Variants in KIAA1328 observed in about 807,000 individuals in gnomAD.
The protein encoded by KIAA1328 is protein hinderin.
KIAA1328 carries 52 observed loss-of-function variants against 68.1 expected under a neutral mutation model. That is an observed-to-expected ratio of 0.76 (90% CI 0.61 to 0.96). KIAA1328 has a LOEUF of 0.96. Among genes scored for constraint, KIAA1328 ranks in the 40% least tolerant of loss-of-function variants. The pLI is 0.00. For missense variants in KIAA1328, 641 were observed against 677.6 expected, an observed-to-expected ratio of 0.95 and a Z score of 0.60; for synonymous variants, 232 against 239.4, an observed-to-expected ratio of 0.97 and a Z score of 0.28.
At chr18:36,966,883 G>T (rs961519874) in intron 6 of KIAA1328, among the ~76,000 whole-genome samples, 1 of 152,162 alleles carries the variant, frequency 6.6e-6, no homozygotes, top group Non-Finnish European at 1.5e-5. Context: ...AGCAGATTTT[G>T]ATAATTCCTT....
chr18:36,962,744 GA>G (rs748551765), intron 6 of KIAA1328, among the ~76,000 whole-genome samples: 1 of 152,186 alleles, frequency 6.6e-6, no homozygotes, highest in Non-Finnish European at 1.5e-5. Context: ...AATGAAGGCA[GA>G]AATAAAGATC....
intron 7 of KIAA1328, among the ~76,000 whole-genome samples, chr18:37,078,276 A>G (rs1599181496): frequency 6.6e-6 from 1 of 152,218 alleles, no homozygotes; most frequent in Non-Finnish European, 1.5e-5. Flanking sequence ...GGCTAGCCAT[A>G]TGTAGAAAGC....
At chr18:37,023,949 A>G (rs568392817) in intron 6 of KIAA1328, among the ~76,000 whole-genome samples, 7 of 151,962 alleles carry the variant, frequency 4.6e-5, no homozygotes, top group Non-Finnish European at 8.8e-5. Context: ...TTCAATCTTC[A>G]CTCTCCTCCA....
intron 5 of KIAA1328, among the ~76,000 whole-genome samples, chr18:36,889,330 CAT>C (rs1568127287): frequency 6.6e-6 from 1 of 152,132 alleles, no homozygotes; most frequent in East Asian, 1.9e-4. Context: ...AATTCTGAAA[CAT>C]GTTGGCATGT....
chr18:36,973,812 T>TAC (rs761416952), intron 6 of KIAA1328, among the ~76,000 whole-genome samples: 17,842 of 103,554 alleles, frequency 0.17, 1,338 homozygotes, highest in East Asian at 0.26. Flanking sequence ...TGTACGCACA[T>TAC]ACACACACAC....
At chr18:36,989,039 C>T (rs552153217) in intron 6 of KIAA1328, among the ~76,000 whole-genome samples, 1 of 152,208 alleles carries the variant, frequency 6.6e-6, no homozygotes, top group East Asian at 1.9e-4. Context: ...ATTGATTTTA[C>T]CTAGATTGTG....
At chr18:37,191,679 T>C (rs536673398) in intron 9 of KIAA1328, among the ~76,000 whole-genome samples, 1 of 152,106 alleles carries the variant, frequency 6.6e-6, no homozygotes, top group African/African-American at 2.4e-5. Flanking sequence ...AGGCTGCATG[T>C]TCCCCCATCT....
chr18:37,131,120 G>T (rs2058512018), intron 7 of KIAA1328, among the ~76,000 whole-genome samples: 1 of 152,150 alleles, frequency 6.6e-6, no homozygotes, highest in South Asian at 2.1e-4. Context: ...TAATGTTTGG[G>T]AACAACTAGA....
chr18:37,064,981 G>A (rs1249354437), intron 6 of KIAA1328, among the ~76,000 whole-genome samples: 1 of 152,204 alleles, frequency 6.6e-6, no homozygotes, highest in African/African-American at 2.4e-5. Flanking sequence ...CAAAGTTTGT[G>A]CTAAGTTGTT....
rs182969416 is a variant in KIAA1328 at position 37,158,932 on chromosome 18, T to A, written c.1233-1268T>A. ...GGGTTGACGTAAATTTATATAACAT[T>A]CACAATAAGGTACTTTTATTTTCCG... is the stretch of plus-strand genomic sequence containing the variant. On this transcript the variant is annotated intron_variant, in intron 7 of 9. Transcript: ENST00000280020. Among the ~76,000 whole-genome samples the A allele has an allele frequency of 5.1e-4, 77 of 152,186 alleles. No homozygotes were observed. In the Middle Eastern group the frequency reaches 0.02, roughly 40 times the overall value.
chr18:37,211,587 T>G (rs2060316957), intron 9 of KIAA1328, among the ~76,000 whole-genome samples: 1 of 152,172 alleles, frequency 6.6e-6, no homozygotes, highest in South Asian at 2.1e-4. Context: ...GGACCTAGTT[T>G]AAGTGTACAG....
chr18:36,891,056 C>A (rs557321730), intron 5 of KIAA1328, among the ~76,000 whole-genome samples: 1 of 152,042 alleles, frequency 6.6e-6, no homozygotes, highest in African/African-American at 2.4e-5. Flanking sequence ...CAATTACATT[C>A]GAAAATTAAG....
intron 6 of KIAA1328, among the ~76,000 whole-genome samples, chr18:37,023,393 AT>A (rs1265421741): frequency 2.0e-4 from 30 of 151,752 alleles, no homozygotes; most frequent in African/African-American, 6.3e-4. Context: ...TTTTTTTTTA[AT>A]TTTAGAAGAG....
intron 6 of KIAA1328, among the ~76,000 whole-genome samples, chr18:37,048,065 C>A (rs2055546678): frequency 6.6e-6 from 1 of 152,080 alleles, no homozygotes; most frequent in South Asian, 2.1e-4. Context: ...CATTTAATAA[C>A]TTGAAAAAAA....
intron 6 of KIAA1328, among the ~76,000 whole-genome samples, chr18:36,963,310 G>A (rs959364911): frequency 3.3e-5 from 5 of 152,090 alleles, no homozygotes; most frequent in African/African-American, 9.7e-5. Flanking sequence ...TTGGTTTTGC[G>A]TTTCTATTTA....
At chr18:37,204,286 A>G (rs1251314508) in intron 9 of KIAA1328, among the ~76,000 whole-genome samples, 1 of 152,260 alleles carries the variant, frequency 6.6e-6, no homozygotes, top group Non-Finnish European at 1.5e-5. Context: ...CTGACAATTC[A>G]GAAAACATGC....
intron 5 of KIAA1328, among the ~76,000 whole-genome samples, chr18:36,942,779 T>C (rs1212937747): frequency 6.6e-6 from 1 of 152,190 alleles, no homozygotes; most frequent in Non-Finnish European, 1.5e-5. Flanking sequence ...AGCTGAGACA[T>C]TATGTCTGTA....
chr18:36,924,951 A>G (rs1344958925), intron 5 of KIAA1328: 4 of 152,210 alleles, frequency 2.6e-5, no homozygotes, highest in Admixed American at 2.6e-4. Context: ...GTATCCTGAA[A>G]CACCAAGCAA....
At chr18:37,030,821 A>G (rs550240157) in intron 6 of KIAA1328, among the ~76,000 whole-genome samples, 2 of 152,102 alleles carry the variant, frequency 1.3e-5, no homozygotes, top group South Asian at 2.1e-4. Context: ...CCCTAATGCT[A>G]TCCCTCTCCT....
Sources: gnomAD v4.1 joint callset for allele counts (sites outside exome capture counted in the v4.1 genomes callset) on GRCh38, gnomAD v4.1.1 for gene constraint, MANE v1.5 for transcripts, NCBI Gene and HGNC (gene_info 2026-07-23, HGNC 2026-07-21) for gene names.